The following RAB38 variants were observed in gnomAD, a reference collection of about 807,000 sequenced individuals.
RAB38 encodes ras-related protein Rab-38.
RAB38 carries 15 observed loss-of-function variants against 18.4 expected under a neutral mutation model. The ratio of observed to expected loss-of-function variants is 0.82; its 90% CI spans 0.55 to 1.26. RAB38 has a LOEUF of 1.26. RAB38 is among the 50% of genes most tolerant of loss of function. The pLI is 0.00. For synonymous variants in RAB38, 101 were observed against 104.4 expected (o/e 0.97, Z 0.20); for missense variants, 294 against 267.4 (o/e 1.10, Z -0.69).
chr11:88,085,841 C>T, the RAB38 span, among the ~76,000 whole-genome samples: 1 of 151,754 alleles, frequency 6.6e-6, no homozygotes, highest in Non-Finnish European at 1.5e-5. Context: ...AACAAACAAA[C>T]AAAAAATTAC....
rs757468293 is a variant in RAB38, at chr11:88,149,886, T to C, written c.272A>G (p.Asp91Gly). 2.5e-6 allele frequency: 4 copies of C among 1,614,034 alleles called. No individual in the cohort carries two copies. Among genetic ancestry groups the C allele is most frequent in the Non-Finnish European group, 2.5e-6 (3 of 1,179,968 alleles). The change falls in exon 2 of 3, where the codon GAT (aspartate) becomes GGT (glycine). Residue 91 changes from aspartate to glycine, a missense_variant. Transcript: ENST00000243662. ...TTCAAATGTGGCTGGCCTGGTGACA[T>C]CGAAGACAATAAATGCACCCATAGC... ...REAMGAFIVFDVTRPATFEAV... is the reference protein window; with the variant it reads ...REAMGAFIVFGVTRPATFEAV...
At chr11:87,847,168 C>A in the RAB38 span, among the ~76,000 whole-genome samples, 3 of 151,804 alleles carry the variant, frequency 2.0e-5, no homozygotes, top group Admixed American at 6.6e-5. Flanking sequence ...ACCCAGAAAT[C>A]ATTGATATTG....
At chr11:87,951,874 G>A in the RAB38 span, among the ~76,000 whole-genome samples, 101 of 152,250 alleles carry the variant, frequency 6.6e-4, no homozygotes, top group African/African-American at 1.9e-3. Flanking sequence ...CAGTCTGCCC[G>A]TTCTCAGATC....
the RAB38 span, among the ~76,000 whole-genome samples, chr11:88,086,580 T>C: frequency 5.3e-5 from 8 of 151,838 alleles, no homozygotes; most frequent in Non-Finnish European, 7.4e-5. Flanking sequence ...GATATTAGAG[T>C]AGGAGGTAAG....
At chr11:88,028,006 G>C in the RAB38 span, among the ~76,000 whole-genome samples, 2 of 152,148 alleles carry the variant, frequency 1.3e-5, no homozygotes, top group African/African-American at 2.4e-5. Flanking sequence ...CACCTCACTC[G>C]GCCTGGTACT....
the RAB38 span, among the ~76,000 whole-genome samples, chr11:88,011,911 T>C: frequency 6.6e-6 from 1 of 152,140 alleles, no homozygotes; most frequent in East Asian, 1.9e-4. Context: ...GAGTGAGAGA[T>C]TTTGCTTTGA....
the RAB38 span, among the ~76,000 whole-genome samples, chr11:87,836,849 AT>A: frequency 2.6e-5 from 4 of 152,046 alleles, no homozygotes; most frequent in Admixed American, 1.3e-4. Flanking sequence ...TGTCTCCAGG[AT>A]TTTGTACTTT....
the RAB38 span, among the ~76,000 whole-genome samples, chr11:87,892,538 C>A: frequency 2.6e-5 from 4 of 151,760 alleles, no homozygotes; most frequent in Admixed American, 2.0e-4. Flanking sequence ...TCAGGGATTG[C>A]GGTTACTAGC....
At chr11:87,888,378 G>T in the RAB38 span, among the ~76,000 whole-genome samples, 6 of 151,966 alleles carry the variant, frequency 3.9e-5, no homozygotes, top group Admixed American at 2.6e-4. Context: ...CAGAAAAAGT[G>T]AAAGCATGTG....
chr11:88,058,268 G>A, the RAB38 span, among the ~76,000 whole-genome samples: 4 of 152,146 alleles, frequency 2.6e-5, no homozygotes, highest in East Asian at 1.9e-4. Context: ...GGACATTCCT[G>A]CTGGTTATTT....
the RAB38 span, among the ~76,000 whole-genome samples, chr11:87,944,551 T>C: frequency 1.3e-5 from 2 of 152,158 alleles, no homozygotes; most frequent in African/African-American, 4.8e-5. Flanking sequence ...TTCTCTCAGC[T>C]GCTTCTGCTC....
At chr11:88,082,974 T>C in the RAB38 span, among the ~76,000 whole-genome samples, 1 of 151,910 alleles carries the variant, frequency 6.6e-6, no homozygotes, top group East Asian at 1.9e-4. Context: ...TCCTGACATC[T>C]CTTTCTACTC....
At chr11:88,015,163 C>A in the RAB38 span, among the ~76,000 whole-genome samples, 2 of 151,952 alleles carry the variant, frequency 1.3e-5, no homozygotes, top group Admixed American at 1.3e-4. Flanking sequence ...CTGGCTAGAT[C>A]ATGGGCTAGT....
chr11:87,824,426 A>C, the RAB38 span, among the ~76,000 whole-genome samples: 1 of 152,320 alleles, frequency 6.6e-6, no homozygotes, highest in Non-Finnish European at 1.5e-5. Context: ...ACATGTGTAT[A>C]ATTACAGGTA....
chr11:88,138,921 T>C lies in RAB38; in HGVS notation c.483+10754A>G, dbSNP rs375587629. ...CCTCAGCCTCCCGAGTAGCTGGGAC[T>C]ACAGGCGCCCGCCACCACGCCTGGC... On this transcript the variant is annotated intron_variant, in intron 2 of 2. Transcript: ENST00000243662. Among the ~76,000 whole-genome samples the C allele has an allele frequency of 1.6e-3, 242 of 152,184 alleles. 1 individual carries two copies. The highest frequency in any genetic ancestry group is 5.5e-3 in the African/African-American group (229 of 41,524).
chr11:88,044,761 G>C, the RAB38 span, among the ~76,000 whole-genome samples: 5 of 151,912 alleles, frequency 3.3e-5, no homozygotes, highest in Admixed American at 1.3e-4. Context: ...CCAACCCCAA[G>C]TGTGGCTGAG....
the RAB38 span, among the ~76,000 whole-genome samples, chr11:87,856,359 G>A: frequency 6.9e-3 from 1,053 of 152,184 alleles, 15 homozygotes; most frequent in African/African-American, 0.024. Flanking sequence ...GGCAACACAA[G>A]ATGGAAAGAT....
At chr11:88,041,964 T>C in the RAB38 span, among the ~76,000 whole-genome samples, 7 of 152,156 alleles carry the variant, frequency 4.6e-5, no homozygotes, top group South Asian at 1.5e-3. Context: ...TCCTGCCTTA[T>C]TAAAATGGAG....
the RAB38 span, chr11:88,098,698 T>G: frequency 6.6e-6 from 1 of 151,960 alleles, no homozygotes; most frequent in African/African-American, 2.4e-5. Flanking sequence ...CCTCTGAGAC[T>G]CAATCAGTGA....
Sources: gnomAD v4.1 joint callset for allele counts (sites outside exome capture counted in the v4.1 genomes callset) on GRCh38, gnomAD v4.1.1 for gene constraint, MANE v1.5 for transcripts, NCBI Gene and HGNC (gene_info 2026-07-23, HGNC 2026-07-21) for gene names.